The following VANGL1 variants were observed in gnomAD, a reference collection of about 807,000 sequenced individuals.
VANGL1 encodes the protein vang-like protein 1.
A neutral mutation model predicts 48.4 loss-of-function variants in VANGL1; 18 were observed. That is an observed-to-expected ratio of 0.37 (90% CI 0.26 to 0.55). The LOEUF is 0.55. Ranked by LOEUF, VANGL1 falls within the 20% of genes least tolerant of loss-of-function variation. VANGL1 has a pLI of 0.81. For synonymous variants in VANGL1, 257 were observed against 261.8 expected (o/e 0.98, Z 0.18); for missense variants, 667 against 675.8 (o/e 0.99, Z 0.14).
Position 115,680,933 on chromosome 1 carries a change from T to G in VANGL1, c.813-1431T>G, listed in dbSNP as rs137925530. Among the ~76,000 whole-genome samples, 198 of 152,148 alleles carry G rather than the reference T, an allele frequency of 1.3e-3. 2 individuals are homozygous for G. Among genetic ancestry groups the G allele is most frequent in the Non-Finnish European group, 1.0e-3 (68 of 68,002 alleles). On this transcript the variant is annotated intron_variant, in intron 4 of 7. Coordinates refer to ENST00000355485, the MANE Select transcript of VANGL1 (RefSeq NM_138959.3). Reference sequence around the variant, plus strand: ...CTTAGCAGAGTACTAGAAAGGAAAATCCAAAGGGCAAGATAAAAATATATC... The same window carrying G: ...CTTAGCAGAGTACTAGAAAGGAAAAGCCAAAGGGCAAGATAAAAATATATC...
At chr1:115,689,106 A>G (rs1392066779) in intron 7 of VANGL1, among the ~76,000 whole-genome samples, 1 of 137,514 alleles carries the variant, frequency 7.3e-6, no homozygotes, top group East Asian at 2.0e-4. Flanking sequence ...TTCTTTAGTT[A>G]ATAATGTGAT....
rs777639674 is a variant in VANGL1 at position 115,663,971 on chromosome 1, T to C, written c.515T>C (p.Phe172Ser). 3 of 1,614,238 alleles carry C rather than the reference T, an allele frequency of 1.9e-6. No homozygotes were observed. Among genetic ancestry groups the C allele is most frequent in the Non-Finnish European group, 2.5e-6 (3 of 1,180,040 alleles). Reference protein sequence around the residue: ...ILLIGTWALFFRKRRADMPRV... With the variant: ...ILLIGTWALFSRKRRADMPRV... ...CTCATAGGGACCTGGGCACTTTTTT[T>C]CCGCAAGCGGAGAGCTGACATGCCA... Residue 172 changes from phenylalanine to serine, a missense_variant, in exon 4 of 8, where the codon TTC becomes TCC. Coordinates refer to ENST00000355485, the MANE Select transcript of VANGL1 (RefSeq NM_138959.3).
intron 7 of VANGL1, among the ~76,000 whole-genome samples, chr1:115,688,856 C>G (rs1570778140): frequency 7.6e-6 from 1 of 132,112 alleles, no homozygotes; most frequent in African/African-American, 2.9e-5. Context: ...GTGGCACGAT[C>G]TCGGCTCACT....
At chr1:115,660,165 T>G (rs1570746520) in intron 3 of VANGL1, among the ~76,000 whole-genome samples, 2 of 152,310 alleles carry the variant, frequency 1.3e-5, no homozygotes, top group Middle Eastern at 3.4e-3. Context: ...ACTAGAGCTA[T>G]GCAGGAATTG....
At chr1:115,651,222 C>A (rs567103171) in intron 1 of VANGL1, 55 bp from the exon 2 acceptor site, 41 of 593,856 alleles carry the variant, frequency 6.9e-5, no homozygotes, top group Non-Finnish European at 1.2e-4. Context: ...ATCTTTCAGC[C>A]CCATTAAGGT....
chr1:115,689,286 C>T (rs138152625), intron 7 of VANGL1, among the ~76,000 whole-genome samples: 1,429 of 136,482 alleles, frequency 0.01, 270 homozygotes, highest in Non-Finnish European at 0.016. Context: ...ACAATAGATG[C>T]TCCACAGATG....
intron 4 of VANGL1, among the ~76,000 whole-genome samples, chr1:115,673,262 A>G (rs565693964): frequency 6.6e-6 from 1 of 152,146 alleles, no homozygotes; most frequent in East Asian, 1.9e-4. Flanking sequence ...AGCCTCCATT[A>G]CCATTGACCA....
chr1:115,673,594 CTTTTT>C (rs960453479), intron 4 of VANGL1, among the ~76,000 whole-genome samples: 5,086 of 108,282 alleles, frequency 0.047, 116 homozygotes, highest in Middle Eastern at 0.15. Flanking sequence ...TGTATGTCCT[CTTTTT>C]TTTTTTTTTT....
At chr1:115,680,692 T>C (rs6699584) in intron 4 of VANGL1, among the ~76,000 whole-genome samples, 105,264 of 151,698 alleles carry the variant, frequency 0.69, 36,726 homozygotes, top group South Asian at 0.75. Context: ...CCATATTCAA[T>C]TCTGTTCAAG....
intron 2 of VANGL1, among the ~76,000 whole-genome samples, chr1:115,658,844 G>T (rs563164897): frequency 6.6e-6 from 1 of 152,234 alleles, no homozygotes; most frequent in Non-Finnish European, 1.5e-5. Context: ...CCCAGGCAGG[G>T]TTCTTACAAT....
intron 1 of VANGL1, among the ~76,000 whole-genome samples, chr1:115,649,598 C>T (rs1012232960): frequency 2.6e-5 from 4 of 152,340 alleles, no homozygotes; most frequent in Middle Eastern, 3.4e-3. Context: ...ATCTGGAGCT[C>T]GCGCTGGGTG....
In VANGL1 at chr1:115,654,498, T is replaced by TAAAAAAA. The variant is rs869142756; in HGVS notation, c.71+3032_71+3038dup. Among the ~76,000 whole-genome samples the TAAAAAAA allele has an allele frequency of 2.4e-3, 214 of 90,792 alleles. 3 individuals carry two copies. Among genetic ancestry groups the TAAAAAAA allele is most frequent in the African/African-American group, 9.4e-3 (201 of 21,436 alleles). 59.6% of individuals were successfully genotyped at this position (90,792 alleles called of 152,430 possible). A position where few individuals can be genotyped will look rare whatever the true frequency, so the allele number is the denominator to read the frequency against. On this transcript the variant is annotated intron_variant, in intron 2 of 7. Coordinates refer to ENST00000355485, the MANE Select transcript of VANGL1 (RefSeq NM_138959.3). ...GTATTGACAAGGGAATTGGTAGGGCTAAAAAAAAAAAAAAAAAAAAAAAAT... is the reference window on the plus strand; with the variant it reads ...GTATTGACAAGGGAATTGGTAGGGCTAAAAAAAAAAAAAAAAAAAAAAAAAAAAAAAT...
At chr1:115,657,719 CCATA>C (rs1652401546) in intron 2 of VANGL1, among the ~76,000 whole-genome samples, 1 of 152,116 alleles carries the variant, frequency 6.6e-6, no homozygotes, top group Admixed American at 6.6e-5. Context: ...TCTTGCATTG[CCATA>C]AAGAAATACC....
chr1:115,668,688 G>A lies in VANGL1; in HGVS notation c.812+4420G>A, dbSNP rs555360293. On this transcript the variant is annotated intron_variant, in intron 4 of 7. Coordinates refer to ENST00000355485, the MANE Select transcript of VANGL1 (RefSeq NM_138959.3). Reference sequence around the variant, plus strand: ...TGGTCCTGTGTGATTATACTCACATGGTGAGTCAGCTGAGGCTGACTTTTT... The same window carrying A: ...TGGTCCTGTGTGATTATACTCACATAGTGAGTCAGCTGAGGCTGACTTTTT... Among the ~76,000 whole-genome samples, 4 of 152,174 alleles carry A rather than the reference G, an allele frequency of 2.6e-5. 1 individual carries two copies. Among genetic ancestry groups the A allele is most frequent in the Non-Finnish European group, 5.9e-5 (4 of 68,032 alleles).
intron 4 of VANGL1, among the ~76,000 whole-genome samples, chr1:115,679,758 T>C (rs5027724): frequency 0.29 from 43,398 of 152,150 alleles, 6,564 homozygotes; most frequent in East Asian, 0.53. Context: ...TGATGATTGC[T>C]TTTTAATTTT....
chr1:115,683,587 C>A (rs1247232207), intron 5 of VANGL1, among the ~76,000 whole-genome samples: 1 of 152,172 alleles, frequency 6.6e-6, no homozygotes, highest in African/African-American at 2.4e-5. Context: ...ATGTCCCAGC[C>A]GCCCTTATGG....
chr1:115,676,178 G>A (rs1367244238), intron 4 of VANGL1, among the ~76,000 whole-genome samples: 1 of 152,260 alleles, frequency 6.6e-6, no homozygotes, highest in African/African-American at 2.4e-5. Context: ...GGCCAAGAAG[G>A]GGGAAATGAC....
intron 4 of VANGL1, among the ~76,000 whole-genome samples, chr1:115,668,187 C>T (rs573510025): frequency 1.2e-4 from 18 of 152,350 alleles, no homozygotes; most frequent in Middle Eastern, 3.4e-3. Context: ...TGATCTTACC[C>T]ATTTCACCAT....
intron 1 of VANGL1, among the ~76,000 whole-genome samples, chr1:115,649,352 C>T (rs1652052720): frequency 6.6e-6 from 1 of 152,154 alleles, no homozygotes; most frequent in Non-Finnish European, 1.5e-5. Context: ...TGGGAAGTCT[C>T]TGAGGCTCCA....
Sources: allele counts gnomAD v4.1 joint callset (sites outside exome capture counted in the v4.1 genomes callset), GRCh38; gene constraint gnomAD v4.1.1; transcripts MANE v1.5; gene names NCBI Gene and HGNC (gene_info 2026-07-23, HGNC 2026-07-21).